Variants in PRSS23 observed in about 807,000 individuals in gnomAD.
PRSS23 encodes the protein protease, serine 23.
In PRSS23, 25 loss-of-function variants were observed where a neutral mutation model predicts 34.7. That is an observed-to-expected ratio of 0.72 (90% CI 0.53 to 1.01). The LOEUF (loss-of-function observed/expected upper bound fraction) is 1.01. PRSS23 is among the 50% of genes least tolerant of loss of function. The probability of loss-of-function intolerance (pLI) is 0.00; values close to 1 mark genes in which losing one functional copy is unlikely to be tolerated. For missense variants in PRSS23, 445 were observed against 475.6 expected (o/e 0.94, Z 0.60); for synonymous variants, 176 against 186.6 (o/e 0.94, Z 0.46).
chr11:86,810,817 C>G lies in PRSS23; in HGVS notation c.*2022C>G, dbSNP rs1948170231. 6.0e-6 allele frequency: 1 copy of G among 166,788 alleles called. No individual in the cohort carries two copies. Among genetic ancestry groups the G allele is most frequent in the Non-Finnish European group, 1.5e-5 (1 of 68,082 alleles). 10.3% of individuals were successfully genotyped at this position (166,788 alleles called of 1,614,324 possible). ...GCTATATACAGCTTAACTCACAGAACTGTAAAAGAAAATTATAAAATAATT... is the reference window on the plus strand; with the variant it reads ...GCTATATACAGCTTAACTCACAGAAGTGTAAAAGAAAATTATAAAATAATT... On this transcript the variant is annotated 3_prime_UTR_variant, in exon 2 of 2. Transcript: ENST00000280258.
intron 2 of PRSS23, among the ~76,000 whole-genome samples, chr11:86,856,730 A>G (rs1948574271): frequency 6.6e-6 from 1 of 152,208 alleles, no homozygotes. Flanking sequence ...GTCAATTTTC[A>G]GGGAATTACA....
chr11:86,880,564 A>G (rs1445328780), intron 2 of PRSS23, among the ~76,000 whole-genome samples: 4 of 152,150 alleles, frequency 2.6e-5, no homozygotes, highest in Non-Finnish European at 5.9e-5. Flanking sequence ...TACATGTGCC[A>G]TGGTGATTTG....
At chr11:86,836,428 G>A (rs1948406116) in intron 2 of PRSS23, among the ~76,000 whole-genome samples, 1 of 152,134 alleles carries the variant, frequency 6.6e-6, no homozygotes, top group Non-Finnish European at 1.5e-5. Context: ...CTGTTACACA[G>A]ACTTCAGGAT....
chr11:86,951,362 A>G (rs1444033979), exon 3 of PRSS23: 2 of 1,613,918 alleles, frequency 1.2e-6, no homozygotes, highest in African/African-American at 2.7e-5. Flanking sequence ...AGAATACCGA[A>G]AAAGTGCCCA....
chr11:86,900,781 CTTTTTTTT>C (rs60869425), intron 2 of PRSS23, among the ~76,000 whole-genome samples: 3 of 94,018 alleles, frequency 3.2e-5, no homozygotes, highest in Admixed American at 1.4e-4. Flanking sequence ...ATCTCTCTCT[CTTTTTTTT>C]TTTTTTTTTT....
chr11:86,942,439 C>T (rs552335402), intron 2 of PRSS23, among the ~76,000 whole-genome samples: 67 of 152,312 alleles, frequency 4.4e-4, no homozygotes, highest in Admixed American at 1.8e-3. Context: ...AATGATGCAA[C>T]CCCAGGCATT....
chr11:86,886,599 AC>A (rs1948804075), intron 2 of PRSS23, among the ~76,000 whole-genome samples: 1 of 152,150 alleles, frequency 6.6e-6, no homozygotes, highest in Admixed American at 6.6e-5. Context: ...AGAGGACCCA[AC>A]CTGCAACAAT....
chr11:86,841,551 G>A lies in PRSS23; in HGVS notation c.206+17958G>A, dbSNP rs576569885. ...ACAGACCGCTAGCAAGACTAATAAA[G>A]AAGAAAAGAAGAAATAATCAAATAG... On this transcript the variant is annotated intron_variant, in intron 2 of 2. Coordinates refer to the PRSS23 transcript ENST00000533902. Among the ~76,000 whole-genome samples the A allele has an allele frequency of 5.9e-5, 9 of 152,088 alleles. No individual in the cohort carries two copies. In the East Asian group the frequency reaches 1.7e-3, roughly 29 times the overall value.
intron 2 of PRSS23, among the ~76,000 whole-genome samples, chr11:86,913,623 G>C (rs973346635): frequency 2.6e-5 from 4 of 151,630 alleles, no homozygotes; most frequent in Non-Finnish European, 5.9e-5. Flanking sequence ...CAGAACAGCA[G>C]CAATCAAGTG....
At chr11:86,802,478 G>T (rs143169217) in intron 1 of PRSS23, among the ~76,000 whole-genome samples, 3 of 152,286 alleles carry the variant, frequency 2.0e-5, no homozygotes, top group Non-Finnish European at 2.9e-5. Context: ...ACAGAGCTTG[G>T]TTCATTCTTA....
At chr11:86,873,457 G>A (rs1419732004) in intron 2 of PRSS23, among the ~76,000 whole-genome samples, 2 of 151,698 alleles carry the variant, frequency 1.3e-5, no homozygotes, top group East Asian at 1.9e-4. Context: ...TTGTGTGTGT[G>A]TTTTTAGTAG....
intron 2 of PRSS23, among the ~76,000 whole-genome samples, chr11:86,872,984 A>G (rs1381400233): frequency 6.6e-6 from 1 of 152,086 alleles, no homozygotes; most frequent in Non-Finnish European, 1.5e-5. Context: ...CTCAGTTCTC[A>G]TCATTCAATG....
At chr11:86,879,366 G>C (rs1374692807) in intron 2 of PRSS23, among the ~76,000 whole-genome samples, 1 of 151,508 alleles carries the variant, frequency 6.6e-6, no homozygotes, top group South Asian at 2.1e-4. Context: ...CATATGAGAA[G>C]TGAGGAGCCC....
chr11:86,893,887 T>C (rs1413007695), intron 2 of PRSS23, among the ~76,000 whole-genome samples: 1 of 152,210 alleles, frequency 6.6e-6, no homozygotes, highest in Non-Finnish European at 1.5e-5. Flanking sequence ...TAGAGGTCAA[T>C]CAGGAATACT....
downstream of PRSS23, among the ~76,000 whole-genome samples, chr11:86,811,533 A>G (rs1948178396): frequency 6.6e-6 from 1 of 152,240 alleles, no homozygotes; most frequent in African/African-American, 2.4e-5. Flanking sequence ...TTGAATTTTG[A>G]AAAGGAGATA....
At chr11:86,803,120 A>G (rs183280896) in intron 1 of PRSS23, among the ~76,000 whole-genome samples, 12 of 152,336 alleles carry the variant, frequency 7.9e-5, no homozygotes, top group Admixed American at 7.2e-4. Context: ...GGAAACCTTA[A>G]AAGATAATTT....
chr11:86,890,033 C>T (rs192388425), intron 2 of PRSS23, among the ~76,000 whole-genome samples: 13 of 152,120 alleles, frequency 8.5e-5, no homozygotes, highest in African/African-American at 2.2e-4. Flanking sequence ...TTTGGGAAGC[C>T]GAGGCGTGTG....
intron 2 of PRSS23, among the ~76,000 whole-genome samples, chr11:86,929,318 G>A (rs1949107048): frequency 7.1e-6 from 1 of 140,028 alleles, no homozygotes; most frequent in Non-Finnish European, 1.5e-5. Context: ...GCGAAACTCC[G>A]TCTCAAAAAA....
intron 2 of PRSS23, among the ~76,000 whole-genome samples, chr11:86,824,754 T>C (rs1391354518): frequency 1.3e-5 from 2 of 151,742 alleles, no homozygotes; most frequent in African/African-American, 4.8e-5. Context: ...CTTGGGATAG[T>C]TTACTGAGAA....
Sources: gnomAD v4.1 joint callset for allele counts (sites outside exome capture counted in the v4.1 genomes callset) on GRCh38, gnomAD v4.1.1 for gene constraint, MANE v1.5 for transcripts, NCBI Gene and HGNC (gene_info 2026-07-23, HGNC 2026-07-21) for gene names.